The following MMP27 variants were observed in gnomAD, a reference collection of about 807,000 sequenced individuals.
MMP27 encodes matrix metallopeptidase 27.
Under a neutral mutation model 48.1 loss-of-function variants are expected in MMP27, and 51 were observed. The ratio of observed to expected loss-of-function variants is 1.06; its 90% CI spans 0.85 to 1.34. The LOEUF is 1.34. MMP27 is among the 40% of genes most tolerant of loss of function. The pLI is 0.00. For missense variants in MMP27, 698 were observed against 619.3 expected (o/e 1.13, Z -1.35); for synonymous variants, 229 against 208.9 (o/e 1.10, Z -0.83).
chr11:102,696,270 G>T, intron 6 of MMP27, 101 bp downstream of exon 6: 1 of 1,182,392 alleles, frequency 8.5e-7, no homozygotes, highest in Non-Finnish European at 1.2e-6. Context: ...AAGATAAAAG[G>T]CACACATTTT....
At chr11:102,699,435 T>C (rs1860896323) in intron 4 of MMP27, among the ~76,000 whole-genome samples, 1 of 152,094 alleles carries the variant, frequency 6.6e-6, no homozygotes, top group African/African-American at 2.4e-5. Flanking sequence ...ACCACTGCAC[T>C]CCAGCCTGGG....
At chr11:102,702,122 G>A (rs972989676) in intron 4 of MMP27, among the ~76,000 whole-genome samples, 6 of 152,330 alleles carry the variant, frequency 3.9e-5, no homozygotes, top group African/African-American at 1.4e-4. Flanking sequence ...CACCTTGAAT[G>A]CCAGGCAGAC....
intron 7 of MMP27, 109 bp downstream of exon 7, chr11:102,694,858 A>G: frequency 1.6e-6 from 2 of 1,243,110 alleles, no homozygotes; most frequent in Non-Finnish European, 2.2e-6. Flanking sequence ...TGAGAGCAAA[A>G]GCCCTGCGCC....
Position 102,696,287 on chromosome 11 carries a change from C to T in MMP27, c.902+84G>A, listed in dbSNP as rs1319082510. ...GATAAAAGGCACACATTTTCACTAG[C>T]CCCATGACTACCTCTTTATCCTCAA... On this transcript the variant is annotated intron_variant, in intron 6 of 9. Coordinates refer to ENST00000260229, the MANE Select transcript of MMP27 (RefSeq NM_022122.3). 12 of 1,430,374 alleles carry T rather than the reference C, an allele frequency of 8.4e-6. No homozygotes were observed. The East Asian group carries it at 2.7e-4, about 33-fold the overall frequency. The allele number at this position is 1,430,374 out of a possible 1,614,324, so 88.6% of individuals were successfully genotyped here. A position where few individuals can be genotyped will look rare whatever the true frequency, so the allele number is the denominator to read the frequency against.
chr11:102,694,993 G>C lies in MMP27; in HGVS notation c.1007C>G (p.Pro336Arg), dbSNP rs1434869161. ...TTTAAAAACCAGAATCTTATCTCTG[G>C]GGTTCTCGTATGCAGCTTGCAGATC... ...PADLQAAYEN[P>R]RDKILVFKDE... Residue 336 changes from proline to arginine, a missense_variant, in exon 7 of 10, where the codon CCC becomes CGC. Transcript: ENST00000260229. 1 of 1,613,928 alleles carries C rather than the reference G, an allele frequency of 6.2e-7. No homozygotes were observed. The highest frequency in any genetic ancestry group is 1.1e-5 in the South Asian group (1 of 91,078).
At chr11:102,692,158 A>T (rs566283609) in intron 9 of MMP27, 148 bp from the exon 10 acceptor site, 17 of 672,918 alleles carry the variant, frequency 2.5e-5, no homozygotes, top group Non-Finnish European at 3.6e-5. Flanking sequence ...TTCTACTGTC[A>T]TGTGGGAAAT....
At chr11:102,692,600 C>T (rs756540852) in intron 9 of MMP27, among the ~76,000 whole-genome samples, 6 of 152,208 alleles carry the variant, frequency 3.9e-5, no homozygotes, top group Non-Finnish European at 5.9e-5. Flanking sequence ...AAACCCCAAG[C>T]TATGTACATT....
Position 102,694,040 on chromosome 11 carries a change from T to A in MMP27, c.1059A>T (p.Gly353=), listed in dbSNP as rs1446419759. ...TGGGATAATCTGGCAAGACAGCATA[T>A]CCTCTGATCATCCAGAAGTTTTCAT... ...FKDENFWMIR[G]YAVLPDYPKS... is the part of the protein sequence containing the mutation. Residue 353 remains glycine (G), a synonymous_variant, in exon 8 of 10, where the codon GGA becomes GGT. Coordinates refer to ENST00000260229, the MANE Select transcript of MMP27 (RefSeq NM_022122.3). 2.5e-6 allele frequency: 4 copies of A among 1,595,142 alleles called. No individual in the cohort carries two copies. In the Admixed American group the frequency reaches 7.1e-5, roughly 28 times the overall value.
At chr11:102,692,468 G>T (rs1860743235) in intron 9 of MMP27, among the ~76,000 whole-genome samples, 1 of 152,166 alleles carries the variant, frequency 6.6e-6, no homozygotes, top group Non-Finnish European at 1.5e-5. Flanking sequence ...CCATGGTCTA[G>T]GTCATTGTCT....
rs1489018147 is a variant in MMP27, at chr11:102,693,926, A to T, written c.1173T>A (p.Phe391Leu). The stretch of plus-strand genomic sequence containing the variant: ...CTTACCTCCAGCACCAAATGCCCAC[A>T]AAGAAGTAGGTTTTTCTTGTGGTCT... ...CDKTTRKTYF[F>L]VGIWCWRFDE... is the part of the protein sequence containing the mutation. The change falls in exon 8 of 10, where the codon TTT becomes TTA. Residue 391 changes from phenylalanine to leucine, a missense_variant. Physicochemically the swap from Phe to Leu is conservative, Grantham distance 22. Coordinates refer to ENST00000260229, the MANE Select transcript of MMP27 (RefSeq NM_022122.3). 1.9e-6 allele frequency: 3 copies of T among 1,599,702 alleles called. No homozygotes were observed. Among genetic ancestry groups the T allele is most frequent in the Non-Finnish European group, 2.6e-6 (3 of 1,174,554 alleles).
chr11:102,697,395 G>A (rs974536905), intron 4 of MMP27, among the ~76,000 whole-genome samples: 7 of 152,132 alleles, frequency 4.6e-5, no homozygotes, highest in African/African-American at 1.7e-4. Context: ...GAAGGCCTAG[G>A]ACTTACAGTA....
Position 102,694,967 on chromosome 11 carries a change from C to A in MMP27, c.1033G>T (p.Asp345Tyr). Reference sequence around the variant, plus strand: ...GAGGAATCGGGATGGGCCAGGTTACCTTTAAAAACCAGAATCTTATCTCTG... The same window carrying A: ...GAGGAATCGGGATGGGCCAGGTTACATTTAAAAACCAGAATCTTATCTCTG... ...NPRDKILVFK[D>Y]ENFWMIRGYA... The change falls in exon 7 of 10, where the codon GAT becomes TAT. Residue 345 changes from aspartate to tyrosine, a missense_variant and splice_region_variant. Physicochemically the swap from Asp to Tyr is radical, Grantham distance 160. Coordinates refer to ENST00000260229, the MANE Select transcript of MMP27 (RefSeq NM_022122.3). 1 of 1,613,732 alleles carries A rather than the reference C, an allele frequency of 6.2e-7. No individual in the cohort carries two copies. Among genetic ancestry groups the A allele is most frequent in the Non-Finnish European group, 8.5e-7 (1 of 1,179,824 alleles).
chr11:102,701,075 A>G (rs999589644), intron 4 of MMP27, among the ~76,000 whole-genome samples: 4 of 152,224 alleles, frequency 2.6e-5, no homozygotes, highest in African/African-American at 7.2e-5. Context: ...CCATTGGAGA[A>G]GAGGAAGGTA....
chr11:102,702,945 C>T (rs367547925), intron 3 of MMP27, 25 bp downstream of exon 3: 118 of 1,612,254 alleles, frequency 7.3e-5, no homozygotes, highest in African/African-American at 2.5e-4. Context: ...ATAAAAATAG[C>T]TTTGCTCTCT....
In MMP27 at chr11:102,705,716, CCT is replaced by C. The variant is rs765617522; in HGVS notation, c.-4_-3del. ...AAACAGAAGCAGAAGGCGCTTCATT[CCT>C]CTCTTTCTTCAGCTGAAGCCGGTTC... On this transcript the variant is annotated 5_prime_UTR_variant, in exon 1 of 10. Coordinates refer to ENST00000260229, the MANE Select transcript of MMP27 (RefSeq NM_022122.3). The C allele has an allele frequency of 6.4e-5, 103 of 1,599,726 alleles. No homozygotes were observed. Among genetic ancestry groups the C allele is most frequent in the Non-Finnish European group, 8.7e-5 (102 of 1,173,430 alleles).
At position 102,702,729 on chromosome 11, in the gene MMP27, G is replaced by T. The variant is rs575020193; in HGVS notation, c.619+24C>A. ...GGATTCTTTAGAATAATAAGATTTT[G>T]TTCATAAAGAAAATTAGACTCACCT... On this transcript the variant is annotated intron_variant, in intron 4 of 9. Transcript: ENST00000260229. 1.3e-4 allele frequency: 200 copies of T among 1,577,994 alleles called. 1 individual carries two copies. In the South Asian group the frequency reaches 2.0e-3, roughly 15 times the overall value.
intron 8 of MMP27, 50 bp from the exon 9 acceptor site, chr11:102,693,091 C>T (rs1173115144): frequency 7.0e-7 from 1 of 1,437,164 alleles, no homozygotes; most frequent in Non-Finnish European, 9.8e-7. Flanking sequence ...GTTTGGGGAG[C>T]TTAATTTGTC....
At chr11:102,698,937 T>C (rs1365039799) in intron 4 of MMP27, among the ~76,000 whole-genome samples, 1 of 152,236 alleles carries the variant, frequency 6.6e-6, no homozygotes, top group Non-Finnish European at 1.5e-5. Flanking sequence ...GACTGCATTG[T>C]TTGTTTCTGT....
chr11:102,705,364 G>T lies in MMP27; in HGVS notation c.102+249C>A, dbSNP rs148266536. Among the ~76,000 whole-genome samples, 5 of 151,942 alleles carry T rather than the reference G, an allele frequency of 3.3e-5. No individual in the cohort carries two copies. The South Asian group carries it at 8.3e-4, about 25-fold the overall frequency. On this transcript the variant is annotated intron_variant, in intron 1 of 9. Coordinates refer to ENST00000260229, the MANE Select transcript of MMP27 (RefSeq NM_022122.3). ...TTGCAGGGCTCTCTCCTTTCTCCTC[G>T]CACTAAACATCCCTTCATTTGTGAC...
Sources: gnomAD v4.1 joint callset for allele counts (sites outside exome capture counted in the v4.1 genomes callset) on GRCh38, gnomAD v4.1.1 for gene constraint, MANE v1.5 for transcripts, NCBI Gene and HGNC (gene_info 2026-07-23, HGNC 2026-07-21) for gene names.